Variants in ANKS1B observed in about 807,000 individuals in gnomAD.
The protein encoded by ANKS1B is ankyrin repeat and sterile alpha motif domain-containing protein 1B.
A neutral mutation model predicts 148.3 loss-of-function variants in ANKS1B; 36 were observed. That is an observed-to-expected ratio of 0.24 (90% CI 0.19 to 0.32). ANKS1B has a LOEUF of 0.32. Among genes scored for constraint, ANKS1B ranks in the 10% least tolerant of loss-of-function variants. The probability of loss-of-function intolerance (pLI) is 1.00; values close to 1 mark genes in which losing one functional copy is unlikely to be tolerated. For missense variants in ANKS1B, 1,157 were observed against 1,542.6 expected, an observed-to-expected ratio of 0.75 and a Z score of 4.19; for synonymous variants, 542 against 560.8, an observed-to-expected ratio of 0.97 and a Z score of 0.47.
chr12:98,801,030 C>A lies in ANKS1B; in HGVS notation c.3237G>T (p.Lys1079Asn). The A allele has an allele frequency of 6.2e-7, 1 of 1,612,504 alleles. No individual in the cohort carries two copies. Among genetic ancestry groups the A allele is most frequent in the Non-Finnish European group, 8.5e-7 (1 of 1,179,266 alleles). Reference sequence around the variant, plus strand: ...TGTAATCACACGACTGGAAGATAAGCTTTTCTGGGTGATGCTGCCAGTACT... The same window carrying A: ...TGTAATCACACGACTGGAAGATAAGATTTTCTGGGTGATGCTGCCAGTACT... ...PVQYWQHHPE[K>N]LIFQSCDYKA... is the part of the protein sequence containing the mutation. The change falls in exon 21 of 27, where the codon AAG (lysine) becomes AAT (asparagine). Residue 1079 changes from lysine (K) to asparagine (N), a missense_variant. By Grantham distance (94) the Lys-to-Asn change is moderately conservative (BLOSUM62 0). This residue lies in a region of ANKS1B where 258 missense variants were observed against 497.0 expected (regional missense o/e 0.52). Coordinates refer to ENST00000683438, the MANE Select transcript of ANKS1B (RefSeq NM_001352186.2). This position sits in a 1 kb window ranked among gnomAD's most constrained non-coding sequence, Gnocchi z 5.2.
chr12:99,308,693 T>C (rs1015004893), intron 12 of ANKS1B, among the ~76,000 whole-genome samples: 1 of 151,838 alleles, frequency 6.6e-6, no homozygotes, highest in African/African-American at 2.4e-5. Flanking sequence ...ATACTGTAAA[T>C]TGAGAGATGA....
chr12:99,181,125 C>A (rs1346433228), intron 14 of ANKS1B, among the ~76,000 whole-genome samples: 1 of 152,124 alleles, frequency 6.6e-6, no homozygotes, highest in Non-Finnish European at 1.5e-5. Context: ...ATTTCTGAAG[C>A]CTTGTGTGTC....
intron 16 of ANKS1B, among the ~76,000 whole-genome samples, chr12:99,054,133 T>C (rs1171551417): frequency 6.6e-6 from 1 of 152,184 alleles, no homozygotes; most frequent in Admixed American, 6.5e-5. Context: ...GTTTTCGAAG[T>C]GACTCACTTC....
chr12:99,186,809 GC>G (rs1198537234), intron 14 of ANKS1B, among the ~76,000 whole-genome samples: 4 of 152,076 alleles, frequency 2.6e-5, no homozygotes, highest in Admixed American at 6.5e-5. Flanking sequence ...AAATCAGAAT[GC>G]CTCTTCTTCT....
intron 17 of ANKS1B, among the ~76,000 whole-genome samples, chr12:98,990,501 G>A (rs2099925956): frequency 6.6e-6 from 1 of 150,600 alleles, no homozygotes; most frequent in Admixed American, 6.6e-5. Context: ...GTATGGCCTG[G>A]AGAAAAGAGA....
intron 1 of ANKS1B, among the ~76,000 whole-genome samples, chr12:99,827,227 G>T (rs1026662953): frequency 6.6e-6 from 1 of 151,852 alleles, no homozygotes; most frequent in Non-Finnish European, 1.5e-5. Flanking sequence ...CCCTAAAAAA[G>T]AATTATATCT....
At chr12:98,827,533 G>A (rs1255055603) in intron 19 of ANKS1B, among the ~76,000 whole-genome samples, 3 of 152,082 alleles carry the variant, frequency 2.0e-5, no homozygotes, top group East Asian at 1.9e-4. Context: ...GGAGTGACCC[G>A]TTAAAAGATT....
rs2061017655 is a variant in ANKS1B at position 99,750,622 on chromosome 12, TG to T, written c.1128+22299del. ...TGGGACAGCCATGTGATTGTATGAC[TG>T]AGTACTAGTCAGTGGAAGATAAGTG... is the stretch of plus-strand genomic sequence containing the variant. On this transcript the variant is annotated intron_variant, in intron 8 of 26. Coordinates refer to ENST00000683438, the MANE Select transcript of ANKS1B (RefSeq NM_001352186.2). Among the ~76,000 whole-genome samples the T allele has an allele frequency of 9.2e-5, 14 of 152,242 alleles. 1 individual carries two copies. In the South Asian group the frequency reaches 2.9e-3, roughly 32 times the overall value.
At chr12:98,743,923 G>C (rs966739607), downstream of ANKS1B, 2 of 865,686 alleles carry the variant, frequency 2.3e-6, no homozygotes, top group African/African-American at 3.7e-5. Flanking sequence ...CTTTGGTTCT[G>C]CTCCTAAATG....
intron 17 of ANKS1B, among the ~76,000 whole-genome samples, chr12:98,951,380 T>C (rs1218347406): frequency 1.3e-5 from 2 of 152,198 alleles, no homozygotes; most frequent in Non-Finnish European, 2.9e-5. Flanking sequence ...GTCCCCATTT[T>C]AATGAGAAAC....
intron 9 of ANKS1B, among the ~76,000 whole-genome samples, chr12:99,547,906 A>G (rs2097185480): frequency 2.0e-5 from 3 of 152,314 alleles, no homozygotes; most frequent in South Asian, 2.1e-4. Context: ...ATTGCAGACT[A>G]CAAAACTGTT....
chr12:98,823,681 G>A (rs1594779440), intron 19 of ANKS1B, among the ~76,000 whole-genome samples: 1 of 152,340 alleles, frequency 6.6e-6, no homozygotes, highest in East Asian at 1.9e-4. Flanking sequence ...TAGTAGAGAC[G>A]GGGTTTCGCC....
chr12:99,754,991 C>T (rs184574622), intron 8 of ANKS1B, among the ~76,000 whole-genome samples: 14 of 151,702 alleles, frequency 9.2e-5, no homozygotes, highest in African/African-American at 2.9e-4. Flanking sequence ...CAAAACATAA[C>T]CAAAATCAGA....
At chr12:99,147,738 G>C (rs1309463110) in intron 15 of ANKS1B, among the ~76,000 whole-genome samples, 1 of 152,034 alleles carries the variant, frequency 6.6e-6, no homozygotes, top group Non-Finnish European at 1.5e-5. Context: ...ATCTCCCTAA[G>C]GGATGAAAAG....
chr12:99,117,266 T>C (rs2061638195), intron 15 of ANKS1B, among the ~76,000 whole-genome samples: 1 of 152,216 alleles, frequency 6.6e-6, no homozygotes, highest in African/African-American at 2.4e-5. Context: ...AGGGCATCCT[T>C]GTCTTGTGCC....
Position 98,796,890 on chromosome 12 carries a change from T to G in ANKS1B, c.3342+2044A>C, listed in dbSNP as rs529390380. Among the ~76,000 whole-genome samples the G allele has an allele frequency of 2.6e-5, 4 of 152,328 alleles. No homozygotes were observed. The South Asian group carries it at 8.3e-4, about 32-fold the overall frequency. On this transcript the variant is annotated intron_variant, in intron 22 of 26. Transcript: ENST00000683438. Reference sequence around the variant, plus strand: ...CTTTTCTATTGCTATCAGGATGTAATTTCAGATCCACTCAATTTCATGAAA... The same window carrying G: ...CTTTTCTATTGCTATCAGGATGTAAGTTCAGATCCACTCAATTTCATGAAA...
chr12:99,371,083 A>G (rs1325068336), intron 12 of ANKS1B, among the ~76,000 whole-genome samples: 1 of 152,058 alleles, frequency 6.6e-6, no homozygotes. Flanking sequence ...TTGGACCCCA[A>G]GGAAAATCTG....
chr12:98,775,869 T>G (rs2098668133), intron 24 of ANKS1B, among the ~76,000 whole-genome samples: 1 of 152,224 alleles, frequency 6.6e-6, no homozygotes, highest in Non-Finnish European at 1.5e-5. Flanking sequence ...CTGTGGAAAC[T>G]TCTACTACTC....
At chr12:99,315,827 C>G (rs181172667) in intron 12 of ANKS1B, among the ~76,000 whole-genome samples, 3 of 152,110 alleles carry the variant, frequency 2.0e-5, no homozygotes, top group Admixed American at 1.3e-4. Context: ...CCTCTCCCCC[C>G]ACCCCATGAC....
Sources: gnomAD v4.1 joint callset for allele counts (sites outside exome capture counted in the v4.1 genomes callset) on GRCh38, gnomAD v4.1.1 for gene constraint, gnomAD v4.1.1 regional missense constraint, Gnocchi (gnomAD v3.1) non-coding constraint, MANE v1.5 for transcripts, NCBI Gene and HGNC (gene_info 2026-07-23, HGNC 2026-07-21) for gene names.